The following ZBTB20 variants were observed in gnomAD, a reference collection of about 807,000 sequenced individuals.
ZBTB20 encodes the protein zinc finger and BTB domain containing 20, also known as zinc finger and BTB domain-containing protein 20.
A neutral mutation model predicts 56.9 loss-of-function variants in ZBTB20; 9 were observed. That is an observed-to-expected ratio of 0.16 (90% CI 0.10 to 0.28). The LOEUF (loss-of-function observed/expected upper bound fraction) is 0.28, where lower values mean the gene tolerates loss of function less well. Among genes scored for constraint, ZBTB20 ranks in the 10% least tolerant of loss-of-function variants. The pLI is 1.00. For synonymous variants in ZBTB20, 417 were observed against 420.7 expected, an observed-to-expected ratio of 0.99 and a Z score of 0.11; for missense variants, 655 against 1,003.0, an observed-to-expected ratio of 0.65 and a Z score of 4.69.
intron 6 of ZBTB20, among the ~76,000 whole-genome samples, chr3:114,591,651 T>C (rs1044020926): frequency 6.6e-6 from 1 of 152,170 alleles, no homozygotes; most frequent in African/African-American, 2.4e-5. Flanking sequence ...TCTATACAAG[T>C]GATGAAGAAG....
At position 114,329,928 on chromosome 3, in the gene ZBTB20, A is replaced by C. The variant is rs1232017808; in HGVS notation, c.*9077T>G. ...CGCTTTTCAGAAGACTGGCCCTTTG[A>C]AACGCAGCCTGTTATTGTTGGTCAG... On this transcript the variant is annotated 3_prime_UTR_variant, in exon 12 of 12. Transcript: ENST00000675478. 1 of 152,232 alleles carries C rather than the reference A, an allele frequency of 6.6e-6. No individual in the cohort carries two copies. Among genetic ancestry groups the C allele is most frequent in the Non-Finnish European group, 1.5e-5 (1 of 68,044 alleles). The allele number at this position is 152,232 out of a possible 1,614,324, so 9.4% of individuals were successfully genotyped here.
chr3:114,682,243 GA>G (rs978087694), intron 6 of ZBTB20, among the ~76,000 whole-genome samples: 1 of 151,838 alleles, frequency 6.6e-6, no homozygotes, highest in Non-Finnish European at 1.5e-5. Context: ...ATATGCACAG[GA>G]AAAAAAATGA....
At chr3:115,052,477 T>C (rs531054114) in intron 2 of ZBTB20, among the ~76,000 whole-genome samples, 2 of 151,490 alleles carry the variant, frequency 1.3e-5, no homozygotes, top group Non-Finnish European at 2.9e-5. Context: ...AAAAAGTGAC[T>C]AGACCACAGT....
intron 6 of ZBTB20, among the ~76,000 whole-genome samples, chr3:114,628,817 T>C (rs2058780350): frequency 1.3e-5 from 2 of 152,340 alleles, no homozygotes; most frequent in South Asian, 4.1e-4. Context: ...ATATTTCATC[T>C]GCCTTCAATT....
At chr3:114,752,040 T>C (rs976657092) in intron 5 of ZBTB20, among the ~76,000 whole-genome samples, 11 of 152,206 alleles carry the variant, frequency 7.2e-5, no homozygotes, top group Admixed American at 1.3e-4. Context: ...ATAGATAGCA[T>C]TTATTGAACT....
At chr3:114,550,992 C>A (rs913868302) in intron 6 of ZBTB20, among the ~76,000 whole-genome samples, 2 of 152,150 alleles carry the variant, frequency 1.3e-5, no homozygotes, top group Non-Finnish European at 2.9e-5. Context: ...CACAAAGGAT[C>A]GGCCCAGCTC....
intron 2 of ZBTB20, among the ~76,000 whole-genome samples, chr3:115,038,521 T>A (rs1160661882): frequency 1.3e-5 from 2 of 152,070 alleles, no homozygotes; most frequent in Non-Finnish European, 2.9e-5. Context: ...CTCAAAAAAA[T>A]AAGCAATGAA....
chr3:114,951,763 A>C (rs1470403994), intron 3 of ZBTB20, among the ~76,000 whole-genome samples: 2 of 152,120 alleles, frequency 1.3e-5, no homozygotes, highest in Non-Finnish European at 2.9e-5. Context: ...CAGGCACAAG[A>C]AGAACTAGGA....
chr3:114,719,247 A>G (rs936208242), intron 5 of ZBTB20, among the ~76,000 whole-genome samples: 37 of 152,098 alleles, frequency 2.4e-4, no homozygotes, highest in African/African-American at 8.9e-4. Flanking sequence ...GCTTATCATA[A>G]TATCAAAACA....
At chr3:114,501,636 A>G (rs1373372664) in intron 6 of ZBTB20, among the ~76,000 whole-genome samples, 1 of 150,164 alleles carries the variant, frequency 6.7e-6, no homozygotes, top group African/African-American at 2.4e-5. Context: ...AAAAAAAAAA[A>G]ATCACAGGCC....
intron 6 of ZBTB20, among the ~76,000 whole-genome samples, chr3:114,512,888 A>G (rs1355837612): frequency 6.6e-6 from 1 of 152,146 alleles, no homozygotes; most frequent in East Asian, 1.9e-4. Flanking sequence ...TCTCTGGGGT[A>G]GAACAATTTC....
intron 2 of ZBTB20, among the ~76,000 whole-genome samples, chr3:115,026,914 T>C (rs994850946): frequency 3.3e-5 from 5 of 150,810 alleles, no homozygotes; most frequent in Admixed American, 6.6e-5. Context: ...CCAGGTGTAA[T>C]ATAGTTATAT....
intron 6 of ZBTB20, among the ~76,000 whole-genome samples, chr3:114,591,193 A>G (rs2055727647): frequency 6.6e-6 from 1 of 152,216 alleles, no homozygotes; most frequent in African/African-American, 2.4e-5. Flanking sequence ...TCTCTCTAAG[A>G]TGTTTGTATT....
intron 3 of ZBTB20, among the ~76,000 whole-genome samples, chr3:114,903,847 G>T (rs1033698637): frequency 4.6e-5 from 7 of 151,962 alleles, no homozygotes; most frequent in African/African-American, 1.7e-4. Context: ...TCCTGCAGAT[G>T]ACCAGAGCCT....
intron 6 of ZBTB20, among the ~76,000 whole-genome samples, chr3:114,650,568 C>T (rs961187145): frequency 1.3e-5 from 2 of 151,930 alleles, no homozygotes; most frequent in Admixed American, 1.3e-4. Context: ...TAGTCTTCTT[C>T]ATCTTCTTCC....
intron 5 of ZBTB20, among the ~76,000 whole-genome samples, chr3:114,765,927 A>G (rs1560224258): frequency 1.3e-5 from 2 of 152,188 alleles, no homozygotes; most frequent in African/African-American, 4.8e-5. Context: ...AACACGTCAA[A>G]GAAAGAGTCC....
Position 114,479,175 on chromosome 3 carries a change from C to T in ZBTB20, c.-255+21177G>A, listed in dbSNP as rs141491650. Reference sequence around the variant, plus strand: ...AATAAGAAAGCAGAGAATTTGCTAGCCTGTTACTCAGTTACACTGAAACAT... The same window carrying T: ...AATAAGAAAGCAGAGAATTTGCTAGTCTGTTACTCAGTTACACTGAAACAT... On this transcript the variant is annotated intron_variant, in intron 7 of 11. Coordinates refer to ENST00000675478, the MANE Select transcript of ZBTB20 (RefSeq NM_001348800.3). Among the ~76,000 whole-genome samples the T allele has an allele frequency of 3.8e-3, 585 of 152,140 alleles. 1 individual carries two copies. The highest frequency in any genetic ancestry group is 6.2e-3 in the Non-Finnish European group (425 of 68,018).
At chr3:115,012,454 A>C (rs2079761981) in intron 2 of ZBTB20, among the ~76,000 whole-genome samples, 1 of 151,840 alleles carries the variant, frequency 6.6e-6, no homozygotes, top group African/African-American at 2.4e-5. Context: ...CAAGGATGAA[A>C]ACTATAAGAA....
chr3:114,559,410 G>A (rs946568838), intron 6 of ZBTB20, among the ~76,000 whole-genome samples: 5 of 152,120 alleles, frequency 3.3e-5, no homozygotes, highest in African/African-American at 1.2e-4. Context: ...CACAATTCTG[G>A]TCTGAAATCT....
Sources: gnomAD v4.1 joint callset for allele counts (sites outside exome capture counted in the v4.1 genomes callset) on GRCh38, gnomAD v4.1.1 for gene constraint, MANE v1.5 for transcripts, NCBI Gene and HGNC (gene_info 2026-07-23, HGNC 2026-07-21) for gene names.